The following PLEKHH3 variants were observed in gnomAD, a reference collection of about 807,000 sequenced individuals.
PLEKHH3 encodes pleckstrin homology domain-containing family H member 3.
A neutral mutation model predicts 77.8 loss-of-function variants in PLEKHH3; 57 were observed. That is an observed-to-expected ratio of 0.73 (90% confidence interval 0.59 to 0.91). The LOEUF is 0.91. Ranked by LOEUF, PLEKHH3 falls within the 40% of genes least tolerant of loss-of-function variation. The pLI, the probability that PLEKHH3 is intolerant of heterozygous loss-of-function variation, is 0.00. For missense variants in PLEKHH3, 1,082 were observed against 1,091.2 expected, an observed-to-expected ratio of 0.99 and a Z score of 0.12; for synonymous variants, 467 against 504.8, an observed-to-expected ratio of 0.93 and a Z score of 1.00.
intron 6 of PLEKHH3, among the ~76,000 whole-genome samples, chr17:42,672,744 G>A (rs1156703319): frequency 1.3e-5 from 2 of 152,022 alleles, no homozygotes; most frequent in Non-Finnish European, 2.9e-5. Flanking sequence ...CAGAAAACCG[G>A]GGTTCCTCTC....
At chr17:42,675,730 C>T (rs2052809004) in intron 1 of PLEKHH3, among the ~76,000 whole-genome samples, 1 of 152,224 alleles carries the variant, frequency 6.6e-6, no homozygotes, top group South Asian at 2.1e-4. Flanking sequence ...AGGTCTCCCA[C>T]ACCAATCGTG....
chr17:42,673,140 T>C, intron 6 of PLEKHH3, 36 bp downstream of exon 6: 1 of 1,493,560 alleles, frequency 6.7e-7, no homozygotes, highest in Non-Finnish European at 8.9e-7. Flanking sequence ...AACCACCCCA[T>C]CCCATCCAGG....
At chr17:42,675,028 T>G (rs1261563035) in intron 1 of PLEKHH3, among the ~76,000 whole-genome samples, 1 of 151,966 alleles carries the variant, frequency 6.6e-6, no homozygotes, top group Non-Finnish European at 1.5e-5. Flanking sequence ...TTGCTGGGGC[T>G]TAGGAAGGGC....
intron 2 of PLEKHH3, 81 bp downstream of exon 2, chr17:42,674,273 C>A (rs558542450): frequency 7.4e-5 from 108 of 1,455,804 alleles, no homozygotes; most frequent in Non-Finnish European, 8.4e-5. Context: ...TATTGCACAA[C>A]CGCTAGGGGA....
rs906476032 is a variant in PLEKHH3 at position 42,676,117 on chromosome 17, G to T, written c.162+285C>A. 35 of 1,291,914 alleles carry T rather than the reference G, an allele frequency of 2.7e-5. No homozygotes were observed. Among genetic ancestry groups the T allele is most frequent in the Non-Finnish European group, 3.3e-5 (34 of 1,020,004 alleles). The allele number at this position is 1,291,914 out of a possible 1,614,324, so 80.0% of individuals were successfully genotyped here. A position where few individuals can be genotyped will look rare whatever the true frequency, so the allele number is the denominator to read the frequency against. ...ACGGGATGGGACGCGGGCCCAGCGG[G>T]GAAGGGAGAGGCAGGGCCAGGTCGG... On this transcript the variant is annotated intron_variant, in intron 1 of 12. Coordinates refer to ENST00000591022, the MANE Select transcript of PLEKHH3 (RefSeq NM_024927.5). The surrounding 1 kb of genome is among the most constrained non-coding windows in gnomAD (Gnocchi z 6.6).
chr17:42,672,398 G>C lies in PLEKHH3; in HGVS notation c.770-6C>G, dbSNP rs1209901899. The C allele has an allele frequency of 1.3e-6, 2 of 1,502,076 alleles. No homozygotes were observed. The highest frequency in any genetic ancestry group is 1.8e-6 in the Non-Finnish European group (2 of 1,126,870). The allele number at this position is 1,502,076 out of a possible 1,614,324, so 93.0% of individuals were successfully genotyped here. On this transcript the variant is annotated splice_polypyrimidine_tract_variant and splice_region_variant and intron_variant, in intron 6 of 12. Transcript: ENST00000591022. ...CAGGGGTGCATAGCCCGGACCTGTG[G>C]GAGGGTGGGGGCGGAGGGACGGTTT...
intron 2 of PLEKHH3, 145 bp downstream of exon 2, chr17:42,674,209 A>T: frequency 8.7e-7 from 1 of 1,150,996 alleles, no homozygotes; most frequent in Non-Finnish European, 1.2e-6. Context: ...CCCCAGCCGG[A>T]CCGCCCCCCG....
Position 42,675,571 on chromosome 17 carries a change from GGCGGCGCAGC to G in PLEKHH3, c.162+821_162+830del, listed in dbSNP as rs2052804395. Among the ~76,000 whole-genome samples the G allele has an allele frequency of 2.0e-5, 3 of 152,136 alleles. No individual in the cohort carries two copies. In the South Asian group the frequency reaches 6.2e-4, roughly 31 times the overall value. ...TCCGCCAGGTGCTGGCGCCGGCCCC[GGCGGCGCAGC>G]CCGCCCCACCCGGGCACCGAGCCAC... is the stretch of plus-strand genomic sequence containing the variant. On this transcript the variant is annotated intron_variant, in intron 1 of 12. Transcript: ENST00000591022.
rs1193401495 is a variant in PLEKHH3, at chr17:42,676,416, C to A, written c.148G>T (p.Ala50Ser). Residue 50 changes from alanine to serine, a missense_variant, in exon 1 of 13, where the codon GCG becomes TCG. By Grantham distance (99) the Ala-to-Ser change is moderately conservative. Transcript: ENST00000591022. The surrounding 1 kb of genome is among the most constrained non-coding windows in gnomAD (Gnocchi z 6.6). The stretch of plus-strand genomic sequence containing the variant: ...CCGGGACTTACCCTCCCGCCGCCCG[C>A]TGGACTCGGGGTCCGCAGCTCAAAG... ...ETFELRTPSP[A>S]GGGRGPLEVT... is the part of the protein sequence containing the mutation. 6.2e-7 allele frequency: 1 copy of A among 1,613,340 alleles called. No homozygotes were observed. The highest frequency in any genetic ancestry group is 2.2e-5 in the East Asian group (1 of 44,882).
intron 12 of PLEKHH3, 35 bp from the exon 13 acceptor site, chr17:42,668,338 C>T: frequency 1.4e-6 from 2 of 1,468,382 alleles, no homozygotes; most frequent in African/African-American, 1.5e-5. Context: ...GCAACAGGGG[C>T]TGCCAGGTTC....
Position 42,670,625 on chromosome 17 carries a change from T to C in PLEKHH3, c.1502A>G (p.His501Arg). The change falls in exon 10 of 13, where the codon CAC (histidine) becomes CGC (arginine). Residue 501 changes from histidine to arginine, a missense_variant. Coordinates refer to ENST00000591022, the MANE Select transcript of PLEKHH3 (RefSeq NM_024927.5). ...ACCGTCTGGGGACAGCCCCTCAGGGTGCAGAGGTCCGTGAAGACGCAGACA... is the reference window on the plus strand; with the variant it reads ...ACCGTCTGGGGACAGCCCCTCAGGGCGCAGAGGTCCGTGAAGACGCAGACA... ...RLCLRLHGPLHPEGLSPDGHE... is the reference protein window; with the variant it reads ...RLCLRLHGPLRPEGLSPDGHE... 1 of 1,613,102 alleles carries C rather than the reference T, an allele frequency of 6.2e-7. No individual in the cohort carries two copies. The highest frequency in any genetic ancestry group is 1.1e-5 in the South Asian group (1 of 91,092).
intron 10 of PLEKHH3, 51 bp downstream of exon 10, chr17:42,670,522 G>C: frequency 4.5e-6 from 7 of 1,564,674 alleles, no homozygotes; most frequent in Non-Finnish European, 5.2e-6. Context: ...AGAAAACCAG[G>C]GGTTCAGGCT....
rs555704635 is a variant in PLEKHH3 at position 42,669,575 on chromosome 17, G to C, written c.2060C>G (p.Ala687Gly). The C allele has an allele frequency of 6.2e-7, 1 of 1,611,104 alleles. No homozygotes were observed. Among genetic ancestry groups the C allele is most frequent in the Non-Finnish European group, 8.5e-7 (1 of 1,178,204 alleles). The change falls in exon 12 of 13, where the codon GCC becomes GGC. Residue 687 changes from alanine (A) to glycine (G), a missense_variant. Physicochemically the swap from Ala to Gly is moderately conservative, Grantham distance 60 (BLOSUM62 0). Transcript: ENST00000591022. ...TGGCCGGGAGAGGGACATGGCCTTGGCTCCCAAGCCCAGGCACAGCTTCTG... is the reference window on the plus strand; with the variant it reads ...TGGCCGGGAGAGGGACATGGCCTTGCCTCCCAAGCCCAGGCACAGCTTCTG... ...APQKLCLGLG[A>G]KAMSLSRPGE...
At chr17:42,673,593 C>T in intron 4 of PLEKHH3, 37 bp from the exon 5 acceptor site, 1 of 1,589,794 alleles carries the variant, frequency 6.3e-7, no homozygotes, top group Non-Finnish European at 8.5e-7. Context: ...CCATTAGGGT[C>T]TGCCGGGGCC....
Position 42,668,314 on chromosome 17 carries a change from G to A in PLEKHH3, c.2206-11C>T, listed in dbSNP as rs987554039. ...CATGATCTCTTCCACCTAAGAGAGG[G>A]CAGAGGTCAGTGTGCAACAGGGGCT... On this transcript the variant is annotated splice_polypyrimidine_tract_variant and intron_variant, in intron 12 of 12. Transcript: ENST00000591022. 13 of 1,525,122 alleles carry A rather than the reference G, an allele frequency of 8.5e-6. No individual in the cohort carries two copies. The African/African-American group carries it at 1.5e-4, about 17-fold the overall frequency. 94.5% of individuals were successfully genotyped at this position (1,525,122 alleles called of 1,614,324 possible).
chr17:42,672,148 G>A lies in PLEKHH3; in HGVS notation c.1014C>T (p.Cys338=), dbSNP rs1597791476. 1.3e-6 allele frequency: 2 copies of A among 1,543,540 alleles called. No homozygotes were observed. The highest frequency in any genetic ancestry group is 2.4e-5 in the East Asian group (1 of 41,108). Residue 338 remains cysteine (C), a synonymous_variant, in exon 7 of 13, where the codon TGC becomes TGT. Transcript: ENST00000591022. ...AALRYWQLLT[C]MSCTFRPGGA... ...CCCCAGGTCGGAAGGTGCAGCTCAT[G>A]CAGGTGAGGAGTTGCCAGTACCGCA...
Position 42,668,266 on chromosome 17 carries a change from G to A in PLEKHH3, c.2243C>T (p.Ala748Val), listed in dbSNP as rs781134575. The change falls in exon 13 of 13, where the codon GCC becomes GTC. Residue 748 changes from alanine to valine, a missense_variant. Ala to Val is a moderately conservative substitution (Grantham distance 64). Transcript: ENST00000591022. ...GCAGGGCCTCTCGGGGGAGGGGTTG[G>A]CCAAGTAGGCATTCACCAGCTGCAT... Reference protein sequence around the residue: ...EIMQLVNAYLANPSPERPCSS... With the variant: ...EIMQLVNAYLVNPSPERPCSS... 4.5e-6 allele frequency: 7 copies of A among 1,558,332 alleles called. No homozygotes were observed. Among genetic ancestry groups the A allele is most frequent in the Non-Finnish European group, 6.0e-6 (7 of 1,159,792 alleles).
At chr17:42,670,749 C>T in intron 9 of PLEKHH3, 44 bp from the exon 10 acceptor site, 8 of 1,587,186 alleles carry the variant, frequency 5.0e-6, no homozygotes, top group Non-Finnish European at 6.0e-6. Context: ...AAGCCGGACC[C>T]CTACGGCGAG....
rs756486939 is a variant in PLEKHH3 at position 42,673,774 on chromosome 17, G to T, written c.359C>A (p.Ala120Asp). The change falls in exon 4 of 13, where the codon GCC (alanine) becomes GAC (aspartate). Residue 120 changes from alanine to aspartate, a missense_variant. Physicochemically the swap from Ala to Asp is moderately radical, Grantham distance 126. Coordinates refer to ENST00000591022, the MANE Select transcript of PLEKHH3 (RefSeq NM_024927.5). ...GGAGTCCCGCGTGAGCACAAACCAG[G>T]CTCGGCGCGGGGGCAGCCAGGGCCG... ...GARPWLPPRR[A>D]WFVLTRDSLD... 6.3e-7 allele frequency: 1 copy of T among 1,594,832 alleles called. No homozygotes were observed. The highest frequency in any genetic ancestry group is 1.1e-5 in the South Asian group (1 of 90,452).
Sources: allele counts gnomAD v4.1 joint callset (sites outside exome capture counted in the v4.1 genomes callset), GRCh38; gene constraint gnomAD v4.1.1; non-coding constraint Gnocchi (gnomAD v3.1); transcripts MANE v1.5; gene names NCBI Gene and HGNC (gene_info 2026-07-23, HGNC 2026-07-21).